The following NBAS variants were observed in gnomAD, a reference collection of about 807,000 sequenced individuals.
The protein encoded by NBAS is NAG/BC035112 fusion.
In NBAS, 219 loss-of-function variants were observed where a neutral mutation model predicts 302.5. The ratio of observed to expected loss-of-function variants is 0.72; its 90% CI spans 0.65 to 0.81. The LOEUF (loss-of-function observed/expected upper bound fraction) is 0.81, where lower values mean the gene tolerates loss of function less well. NBAS is among the 30% of genes least tolerant of loss of function. The pLI is 0.00. For synonymous variants in NBAS, 1,118 were observed against 1,021.6 expected, an observed-to-expected ratio of 1.09 and a Z score of -1.80; for missense variants, 2,932 against 2,841.6, an observed-to-expected ratio of 1.03 and a Z score of -0.72.
At chr2:15,164,593 G>A (rs1663970906), downstream of NBAS, among the ~76,000 whole-genome samples, 1 of 152,176 alleles carries the variant, frequency 6.6e-6, no homozygotes, top group African/African-American at 2.4e-5. Context: ...TAGAATCTGA[G>A]TGTGAGTGAG....
chr2:15,286,024 G>A (rs867986442), intron 42 of NBAS, among the ~76,000 whole-genome samples: 5 of 152,118 alleles, frequency 3.3e-5, no homozygotes, highest in Admixed American at 6.5e-5. Flanking sequence ...CCTGTCTCAC[G>A]GAGTGATGCC....
intron 45 of NBAS, among the ~76,000 whole-genome samples, chr2:15,235,162 A>G (rs1048709223): frequency 6.6e-6 from 1 of 152,240 alleles, no homozygotes; most frequent in Admixed American, 6.5e-5. Context: ...CTATTGAGCT[A>G]TAACTATGTA....
intron 21 of NBAS, among the ~76,000 whole-genome samples, chr2:15,430,330 A>G (rs1677698651): frequency 6.6e-6 from 1 of 152,202 alleles, no homozygotes; most frequent in Non-Finnish European, 1.5e-5. Flanking sequence ...CAGCACAACC[A>G]GTCTGTTTCT....
chr2:15,266,210 T>A (rs768874563), intron 44 of NBAS, among the ~76,000 whole-genome samples: 1 of 152,132 alleles, frequency 6.6e-6, no homozygotes, highest in Non-Finnish European at 1.5e-5. Flanking sequence ...CAGCCATGAG[T>A]CAATTAAACC....
At chr2:15,072,217 G>C in the NBAS span, among the ~76,000 whole-genome samples, 3 of 152,054 alleles carry the variant, frequency 2.0e-5, no homozygotes, top group Non-Finnish European at 4.4e-5. Context: ...TTTAATCTTT[G>C]CTTATTTACC....
chr2:14,848,370 C>G, the NBAS span, among the ~76,000 whole-genome samples: 1 of 138,044 alleles, frequency 7.2e-6, no homozygotes, highest in East Asian at 1.9e-4. Flanking sequence ...CTTTTCAGAC[C>G]GGCTTAAAAA....
intron 44 of NBAS, among the ~76,000 whole-genome samples, chr2:15,258,560 G>C (rs959459629): frequency 4.6e-5 from 7 of 152,116 alleles, no homozygotes; most frequent in African/African-American, 1.4e-4. Context: ...GGGAGTGTCT[G>C]TCCTACGCGG....
chr2:15,339,021 A>T (rs543325886), intron 35 of NBAS, among the ~76,000 whole-genome samples: 127 of 152,176 alleles, frequency 8.3e-4, no homozygotes, highest in African/African-American at 2.5e-3. Flanking sequence ...TCTCTAAAAA[A>T]TTTTTTAAAA....
intron 10 of NBAS, among the ~76,000 whole-genome samples, chr2:15,510,542 T>C (rs1044900540): frequency 6.6e-6 from 1 of 152,210 alleles, no homozygotes; most frequent in Non-Finnish European, 1.5e-5. Flanking sequence ...AAAATATGTA[T>C]ATGATAAGCC....
At chr2:15,256,577 G>C (rs1322221632) in intron 44 of NBAS, among the ~76,000 whole-genome samples, 1 of 152,108 alleles carries the variant, frequency 6.6e-6, no homozygotes, top group African/African-American at 2.4e-5. Flanking sequence ...AGGACTTCCA[G>C]CATGATGCTG....
At chr2:15,462,755 A>C (rs1679560064) in intron 19 of NBAS, among the ~76,000 whole-genome samples, 1 of 152,108 alleles carries the variant, frequency 6.6e-6, no homozygotes. Context: ...CTGGACTAAG[A>C]TGTGAGTTAG....
rs1483655141 is a variant in NBAS, at chr2:15,229,938, T to G, written c.6236+2484A>C. Among the ~76,000 whole-genome samples the G allele has an allele frequency of 2.6e-5, 4 of 152,272 alleles. No homozygotes were observed. In the East Asian group the frequency reaches 7.7e-4, roughly 29 times the overall value. On this transcript the variant is annotated intron_variant, in intron 47 of 51. Coordinates refer to ENST00000281513, the MANE Select transcript of NBAS (RefSeq NM_015909.4). Reference sequence around the variant, plus strand: ...TCTCCCTGCCAGGAATATTGTGGGATAGTATATACATAACCCAAAAGCATG... The same window carrying G: ...TCTCCCTGCCAGGAATATTGTGGGAGAGTATATACATAACCCAAAAGCATG...
chr2:15,324,191 TG>T (rs1015886798), intron 38 of NBAS, among the ~76,000 whole-genome samples: 1 of 152,118 alleles, frequency 6.6e-6, no homozygotes, highest in Non-Finnish European at 1.5e-5. Flanking sequence ...GATAAGAAAA[TG>T]GAAGCAAAGA....
the NBAS span, among the ~76,000 whole-genome samples, chr2:14,963,463 T>C: frequency 6.6e-6 from 1 of 152,152 alleles, no homozygotes; most frequent in South Asian, 2.1e-4. Flanking sequence ...TGCCAACCCT[T>C]GGTGTAACAC....
At chr2:15,408,497 C>T (rs1676530433) in intron 25 of NBAS, among the ~76,000 whole-genome samples, 1 of 152,136 alleles carries the variant, frequency 6.6e-6, no homozygotes, top group Non-Finnish European at 1.5e-5. Context: ...TATCTCACTA[C>T]TTTCTTTTTG....
intron 43 of NBAS, 129 bp downstream of exon 43, chr2:15,276,722 C>G: frequency 1.5e-6 from 2 of 1,357,130 alleles, no homozygotes; most frequent in Admixed American, 1.9e-5. Context: ...TAACTAAAGT[C>G]GATTAGCTTC....
At chr2:15,153,465 A>C in the NBAS span, among the ~76,000 whole-genome samples, 1 of 152,182 alleles carries the variant, frequency 6.6e-6, no homozygotes, top group Non-Finnish European at 1.5e-5. Flanking sequence ...CTCAATTTTC[A>C]AACAATCAGA....
chr2:15,046,048 A>C, the NBAS span, among the ~76,000 whole-genome samples: 1 of 152,174 alleles, frequency 6.6e-6, no homozygotes, highest in Non-Finnish European at 1.5e-5. Context: ...TCTCAGGTGA[A>C]TGTATGTTCA....
the NBAS span, among the ~76,000 whole-genome samples, chr2:15,104,106 C>A: frequency 6.6e-6 from 1 of 152,040 alleles, no homozygotes; most frequent in Non-Finnish European, 1.5e-5. Flanking sequence ...CAATTTCCCC[C>A]ATACTGTTTT....
Sources: gnomAD v4.1 joint callset for allele counts (sites outside exome capture counted in the v4.1 genomes callset) on GRCh38, gnomAD v4.1.1 for gene constraint, MANE v1.5 for transcripts, NCBI Gene and HGNC (gene_info 2026-07-23, HGNC 2026-07-21) for gene names.